Variants in UPF2 observed in about 807,000 individuals in gnomAD.
UPF2 encodes the protein UPF2 regulator of nonsense mediated mRNA decay, also known as regulator of nonsense transcripts 2.
In UPF2, 17 loss-of-function variants were observed where a neutral mutation model predicts 141.4. The observed-to-expected ratio is 0.12, with a 90% CI of 0.08 to 0.18. The LOEUF (loss-of-function observed/expected upper bound fraction) is 0.18, where lower values mean the gene tolerates loss of function less well. UPF2 is among the 10% of genes least tolerant of loss of function. The pLI is 1.00. For missense variants in UPF2, 1,152 were observed against 1,515.9 expected (o/e 0.76, Z 3.99); for synonymous variants, 540 against 498.0 (o/e 1.08, Z -1.12).
In UPF2 at chr10:11,980,841, G is replaced by A. The variant is rs1588550451; in HGVS notation, c.1845-1676C>T. ...ATTCGATCTGGAAAGCTCCTCAGATGGATACATTAACCCTTAGCTAAAGGG... is the reference window on the plus strand; with the variant it reads ...ATTCGATCTGGAAAGCTCCTCAGATAGATACATTAACCCTTAGCTAAAGGG... On this transcript the variant is annotated intron_variant, in intron 8 of 21. Coordinates refer to ENST00000357604, the MANE Select transcript of UPF2 (RefSeq NM_015542.4). This position sits in a 1 kb window ranked among gnomAD's most constrained non-coding sequence, Gnocchi z 4.2. 1.3e-5 allele frequency among the ~76,000 whole-genome samples: 2 copies of A among 152,216 alleles called. No homozygotes were observed. The highest frequency in any genetic ancestry group is 6.8e-3 in the Middle Eastern group (2 of 294).
chr10:11,970,746 A>C (rs575807867), intron 9 of UPF2, among the ~76,000 whole-genome samples: 1 of 152,262 alleles, frequency 6.6e-6, no homozygotes, highest in South Asian at 2.1e-4. Flanking sequence ...TGGGACGGGG[A>C]GGTTGCAGCA....
At chr10:11,949,402 T>C (rs927188945) in intron 15 of UPF2, among the ~76,000 whole-genome samples, 7 of 152,380 alleles carry the variant, frequency 4.6e-5, no homozygotes, top group African/African-American at 1.7e-4. Flanking sequence ...GTTTCAGTTT[T>C]ACTTCCTGCA....
chr10:12,014,958 C>T lies in UPF2; in HGVS notation c.1146-774G>A, dbSNP rs1019332196. Among the ~76,000 whole-genome samples the T allele has an allele frequency of 6.6e-6, 1 of 152,162 alleles. No homozygotes were observed. The highest frequency in any genetic ancestry group is 1.5e-5 in the Non-Finnish European group (1 of 68,032). ...AGGACATAACCACTCTTCCACTTTG[C>T]AAGAATACACCAATAAGCCCCTAAC... is the stretch of plus-strand genomic sequence containing the variant. On this transcript the variant is annotated intron_variant, in intron 3 of 21. Coordinates refer to ENST00000357604, the MANE Select transcript of UPF2 (RefSeq NM_015542.4). This position sits in a 1 kb window ranked among gnomAD's most constrained non-coding sequence, Gnocchi z 5.0.
intron 2 of UPF2, among the ~76,000 whole-genome samples, chr10:12,030,053 C>T (rs762271582): frequency 6.6e-6 from 1 of 151,252 alleles, no homozygotes; most frequent in Middle Eastern, 3.2e-3. Context: ...TACTGGAGGT[C>T]GATAACAAAT....
chr10:12,008,555 G>A (rs1002625587), intron 4 of UPF2, among the ~76,000 whole-genome samples: 14 of 148,440 alleles, frequency 9.4e-5, no homozygotes, highest in Non-Finnish European at 1.6e-4. Flanking sequence ...GCTTGAACCC[G>A]GGAGGCGGAG....
intron 8 of UPF2, among the ~76,000 whole-genome samples, chr10:11,991,701 C>A (rs1833783272): frequency 6.6e-6 from 1 of 152,264 alleles, no homozygotes; most frequent in East Asian, 1.9e-4. Flanking sequence ...TGAGTGACAC[C>A]TACATGATAT....
intron 3 of UPF2, among the ~76,000 whole-genome samples, chr10:12,022,925 G>A (rs191159845): frequency 1.4e-4 from 21 of 152,012 alleles, no homozygotes; most frequent in Admixed American, 1.2e-3. Flanking sequence ...CCTGAACTTT[G>A]TCAACTCACT....
At position 11,936,797 on chromosome 10, in the gene UPF2, T is replaced by C. The variant is rs1011584333; in HGVS notation, c.3379-85A>G. The C allele has an allele frequency of 1.5e-6, 2 of 1,298,270 alleles. No homozygotes were observed. The highest frequency in any genetic ancestry group is 1.5e-5 in the African/African-American group (1 of 66,268). The allele number at this position is 1,298,270 out of a possible 1,614,324, so 80.4% of individuals were successfully genotyped here. A position where few individuals can be genotyped will look rare whatever the true frequency, so the allele number is the denominator to read the frequency against. On this transcript the variant is annotated intron_variant, in intron 18 of 21. Transcript: ENST00000357604. The surrounding 1 kb of genome is among the most constrained non-coding windows in gnomAD (Gnocchi z 6.6). ...TATAAATTGCAAACTCATTCAATGC[T>C]GTATTTCTTAAAACACAACAATCAT...
In UPF2 at chr10:12,014,245, T is replaced by C. The variant is rs7924304; in HGVS notation, c.1146-61A>G. 95,689 of 1,297,404 alleles carry C rather than the reference T, an allele frequency of 0.074. 3,886 individuals are homozygous for C. The highest frequency in any genetic ancestry group is 0.083 in the Non-Finnish European group (84,137 of 1,009,686). 80.4% of individuals were successfully genotyped at this position (1,297,404 alleles called of 1,614,324 possible). A position where few individuals can be genotyped will look rare whatever the true frequency, so the allele number is the denominator to read the frequency against. On this transcript the variant is annotated intron_variant, in intron 3 of 21. Coordinates refer to ENST00000357604, the MANE Select transcript of UPF2 (RefSeq NM_015542.4). The surrounding 1 kb of genome is among the most constrained non-coding windows in gnomAD (Gnocchi z 5.0). ...AAATAGATGTGATCACAAATTGTTA[T>C]ATATGGGAAACATTCCATAATTTGA... is the stretch of plus-strand genomic sequence containing the variant.
intron 5 of UPF2, among the ~76,000 whole-genome samples, chr10:12,002,664 A>G (rs1019918641): frequency 2.6e-5 from 4 of 152,258 alleles, no homozygotes. Context: ...AGAGAAAACC[A>G]AAAAATGAAA....
At chr10:11,943,024 C>A in intron 17 of UPF2, 40 bp downstream of exon 17, 3 of 1,429,732 alleles carry the variant, frequency 2.1e-6, no homozygotes, top group South Asian at 1.2e-5. Context: ...TATAAAAATG[C>A]TGCACAATTT....
rs1832645717 is a variant in UPF2 at position 11,921,617 on chromosome 10, A to G, written c.3810-310T>C. ...ACGGGAGGATGTGCATATGTTATAC[A>G]TAAATGCTACACCATTTTTTACCAG... On this transcript the variant is annotated intron_variant, in intron 21 of 21. Coordinates refer to ENST00000357604, the MANE Select transcript of UPF2 (RefSeq NM_015542.4). This position sits in a 1 kb window ranked among gnomAD's most constrained non-coding sequence, Gnocchi z 5.9. Among the ~76,000 whole-genome samples the G allele has an allele frequency of 6.6e-6, 1 of 152,262 alleles. No individual in the cohort carries two copies. Among genetic ancestry groups the G allele is most frequent in the Non-Finnish European group, 1.5e-5 (1 of 68,048 alleles).
intron 8 of UPF2, among the ~76,000 whole-genome samples, chr10:11,993,149 C>CAA (rs561323595): frequency 7.5e-3 from 604 of 80,160 alleles, no homozygotes; most frequent in Middle Eastern, 0.014. Flanking sequence ...GGCTCCACCT[C>CAA]AAAAAAAAAA....
intron 4 of UPF2, among the ~76,000 whole-genome samples, chr10:12,010,840 A>T (rs535823087): frequency 0.052 from 7,899 of 152,040 alleles, 280 homozygotes; most frequent in Non-Finnish European, 0.08. Context: ...TGAGAGAAAA[A>T]AATATAGATT....
At chr10:11,954,219 TAA>T (rs1481828985) in intron 14 of UPF2, among the ~76,000 whole-genome samples, 2 of 152,186 alleles carry the variant, frequency 1.3e-5, no homozygotes, top group Non-Finnish European at 2.9e-5. Flanking sequence ...CAAGTTTATA[TAA>T]TAACCCAACA....
intron 9 of UPF2, among the ~76,000 whole-genome samples, chr10:11,977,854 T>TCCC (rs1833531599): frequency 6.6e-6 from 1 of 152,200 alleles, no homozygotes; most frequent in African/African-American, 2.4e-5. Context: ...CTTAACTTTA[T>TCCC]TGAGTTCAGT....
chr10:12,027,584 T>C (rs1834443125), intron 3 of UPF2, among the ~76,000 whole-genome samples: 1 of 152,236 alleles, frequency 6.6e-6, no homozygotes, highest in Admixed American at 6.5e-5. Flanking sequence ...CTTCAAAGTT[T>C]AAACCAGTCC....
chr10:12,014,242 T>C lies in UPF2; in HGVS notation c.1146-58A>G. Reference sequence around the variant, plus strand: ...TCAAAATAGATGTGATCACAAATTGTTATATATGGGAAACATTCCATAATT... The same window carrying C: ...TCAAAATAGATGTGATCACAAATTGCTATATATGGGAAACATTCCATAATT... On this transcript the variant is annotated intron_variant, in intron 3 of 21. Transcript: ENST00000357604. This position sits in a 1 kb window ranked among gnomAD's most constrained non-coding sequence, Gnocchi z 5.0. 1.5e-6 allele frequency: 2 copies of C among 1,303,292 alleles called. No individual in the cohort carries two copies. The highest frequency in any genetic ancestry group is 2.8e-5 in the East Asian group (1 of 35,574). The allele number at this position is 1,303,292 out of a possible 1,614,324, so 80.7% of individuals were successfully genotyped here. A position where few individuals can be genotyped will look rare whatever the true frequency, so the allele number is the denominator to read the frequency against.
At chr10:12,037,070 T>C (rs1834639222) in intron 1 of UPF2, among the ~76,000 whole-genome samples, 1 of 152,164 alleles carries the variant, frequency 6.6e-6, no homozygotes, top group Non-Finnish European at 1.5e-5. Flanking sequence ...GGTAGAAAAT[T>C]ACCTAAATTT....
Sources: allele counts gnomAD v4.1 joint callset (sites outside exome capture counted in the v4.1 genomes callset), GRCh38; gene constraint gnomAD v4.1.1; non-coding constraint Gnocchi (gnomAD v3.1); transcripts MANE v1.5; gene names NCBI Gene and HGNC (gene_info 2026-07-23, HGNC 2026-07-21).